The following CCSER1 variants were observed in gnomAD, a reference collection of about 807,000 sequenced individuals.
CCSER1 encodes coiled-coil serine rich protein 1.
A neutral mutation model predicts 82.0 loss-of-function variants in CCSER1; 41 were observed. The observed-to-expected ratio is 0.50, with a 90% CI of 0.39 to 0.65. The LOEUF (loss-of-function observed/expected upper bound fraction) is 0.65. CCSER1 is among the 30% of genes least tolerant of loss of function. CCSER1 has a pLI of 0.00. For synonymous variants in CCSER1, 414 were observed against 383.9 expected, an observed-to-expected ratio of 1.08 and a Z score of -0.92; for missense variants, 1,119 against 1,064.2, an observed-to-expected ratio of 1.05 and a Z score of -0.72.
At chr4:91,187,913 A>C (rs2149043346) in intron 10 of CCSER1, among the ~76,000 whole-genome samples, 1 of 152,266 alleles carries the variant, frequency 6.6e-6, no homozygotes, top group African/African-American at 2.4e-5. Context: ...AAGGAAGGAA[A>C]ATTTTATGTA....
At chr4:90,633,682 A>C (rs1276170738) in intron 6 of CCSER1, among the ~76,000 whole-genome samples, 1 of 151,968 alleles carries the variant, frequency 6.6e-6, no homozygotes, top group African/African-American at 2.4e-5. Context: ...CAGTTAATCT[A>C]ATAAACATAA....
intron 1 of CCSER1, among the ~76,000 whole-genome samples, chr4:90,174,391 T>C (rs1732286077): frequency 6.6e-6 from 1 of 151,988 alleles, no homozygotes; most frequent in Non-Finnish European, 1.5e-5. Context: ...TATAAAGCTC[T>C]AATTTTTAAG....
At chr4:90,819,393 G>C (rs1759445008) in intron 8 of CCSER1, among the ~76,000 whole-genome samples, 1 of 152,118 alleles carries the variant, frequency 6.6e-6, no homozygotes, top group African/African-American at 2.4e-5. Flanking sequence ...GCTCATGACT[G>C]TTTAATATTA....
intron 5 of CCSER1, among the ~76,000 whole-genome samples, chr4:90,534,174 G>T (rs992247426): frequency 1.3e-5 from 2 of 152,196 alleles, no homozygotes; most frequent in East Asian, 3.9e-4. Context: ...CTGTTGCCCA[G>T]GCTGGAGAGC....
At chr4:91,431,669 G>A (rs1240382824) in intron 10 of CCSER1, among the ~76,000 whole-genome samples, 1 of 152,072 alleles carries the variant, frequency 6.6e-6, no homozygotes, top group Non-Finnish European at 1.5e-5. Flanking sequence ...GTTTCCCCAT[G>A]TTGGTCAGGC....
chr4:91,449,941 C>A (rs1437582668), intron 10 of CCSER1, among the ~76,000 whole-genome samples: 2 of 152,042 alleles, frequency 1.3e-5, no homozygotes, highest in Non-Finnish European at 2.9e-5. Flanking sequence ...GGCAGTGTTA[C>A]ATTTAGAGAT....
chr4:90,490,020 C>T (rs1257872913), intron 5 of CCSER1, among the ~76,000 whole-genome samples: 1 of 152,088 alleles, frequency 6.6e-6, no homozygotes, highest in Non-Finnish European at 1.5e-5. Context: ...GATTTATAAT[C>T]CTTTGGGTAT....
intron 10 of CCSER1, among the ~76,000 whole-genome samples, chr4:91,522,714 C>T (rs927629091): frequency 5.3e-5 from 8 of 152,136 alleles, no homozygotes; most frequent in African/African-American, 1.7e-4. Flanking sequence ...CATTTTTGCA[C>T]ATTGATTTTG....
intron 10 of CCSER1, among the ~76,000 whole-genome samples, chr4:91,469,752 T>C (rs1468558163): frequency 6.6e-6 from 1 of 152,226 alleles, no homozygotes; most frequent in African/African-American, 2.4e-5. Context: ...ATGATACTTA[T>C]TAATAAGTGT....
chr4:90,791,099 A>G (rs1338167698), intron 7 of CCSER1, among the ~76,000 whole-genome samples: 1 of 152,192 alleles, frequency 6.6e-6, no homozygotes, highest in Non-Finnish European at 1.5e-5. Flanking sequence ...ACAGGGCAGC[A>G]GGAAAGAGAA....
intron 3 of CCSER1, among the ~76,000 whole-genome samples, chr4:90,372,708 C>G (rs959680604): frequency 6.6e-6 from 1 of 151,870 alleles, no homozygotes; most frequent in African/African-American, 2.4e-5. Flanking sequence ...TGAGATTGTG[C>G]CACTGCACTC....
At chr4:90,634,058 A>T (rs1006712342) in intron 6 of CCSER1, among the ~76,000 whole-genome samples, 3 of 151,720 alleles carry the variant, frequency 2.0e-5, no homozygotes, top group African/African-American at 4.8e-5. Context: ...TTAAATTTTT[A>T]AAAAATTTTA....
intron 6 of CCSER1, among the ~76,000 whole-genome samples, chr4:90,660,545 G>A (rs909267435): frequency 1.3e-5 from 2 of 151,860 alleles, no homozygotes; most frequent in Admixed American, 6.6e-5. Context: ...TATTTATATA[G>A]CCATATAATT....
At chr4:91,225,193 T>A (rs1024606514) in intron 10 of CCSER1, among the ~76,000 whole-genome samples, 1 of 141,600 alleles carries the variant, frequency 7.1e-6, no homozygotes, top group African/African-American at 2.6e-5. Context: ...TATATAATTA[T>A]ATATAATATA....
intron 10 of CCSER1, among the ~76,000 whole-genome samples, chr4:91,293,857 A>G (rs536332638): frequency 6.6e-6 from 1 of 152,100 alleles, no homozygotes; most frequent in Admixed American, 6.6e-5. Flanking sequence ...AAAAGCCTTT[A>G]AAAATTACAT....
At chr4:91,541,857 A>G (rs988916087) in intron 10 of CCSER1, among the ~76,000 whole-genome samples, 3 of 152,188 alleles carry the variant, frequency 2.0e-5, no homozygotes, top group African/African-American at 4.8e-5. Context: ...GTGTAAAAGC[A>G]TTCCTATTGC....
Position 91,369,219 on chromosome 4 carries a change from T to TC in CCSER1, c.2218-229350dup, listed in dbSNP as rs146934560. Among the ~76,000 whole-genome samples, 936 of 152,328 alleles carry TC rather than the reference T, an allele frequency of 6.1e-3. 15 individuals carry two copies. The highest frequency in any genetic ancestry group is 0.021 in the African/African-American group (876 of 41,574). On this transcript the variant is annotated intron_variant, in intron 10 of 10. Transcript: ENST00000509176. Reference sequence around the variant, plus strand: ...AGGTTGTTTCAGTACTTTTGTTCTTTCCCTCTGCTTTGACCATGGACTACC... The same window carrying TC: ...AGGTTGTTTCAGTACTTTTGTTCTTTCCCCTCTGCTTTGACCATGGACTACC...
At chr4:90,272,104 A>G (rs1170439695) in intron 1 of CCSER1, among the ~76,000 whole-genome samples, 2 of 151,722 alleles carry the variant, frequency 1.3e-5, no homozygotes. Flanking sequence ...CTGTGATTCA[A>G]TCACCTCCCA....
At chr4:90,751,251 G>A (rs1190435322) in intron 7 of CCSER1, among the ~76,000 whole-genome samples, 2 of 152,076 alleles carry the variant, frequency 1.3e-5, no homozygotes, top group African/African-American at 4.8e-5. Context: ...AAAAATACAG[G>A]ATGAGATTTG....
Sources: allele counts gnomAD v4.1 joint callset (sites outside exome capture counted in the v4.1 genomes callset), GRCh38; gene constraint gnomAD v4.1.1; transcripts MANE v1.5; gene names NCBI Gene and HGNC (gene_info 2026-07-23, HGNC 2026-07-21).